The following ABCA12 variants were observed in gnomAD, a reference collection of about 807,000 sequenced individuals.
ABCA12 encodes glucosylceramide transporter ABCA12.
In ABCA12, 156 loss-of-function variants were observed where a neutral mutation model predicts 293.5. That is an observed-to-expected ratio of 0.53 (90% confidence interval 0.47 to 0.61). The LOEUF is 0.61. Ranked by LOEUF, ABCA12 falls within the 20% of genes least tolerant of loss-of-function variation. ABCA12 has a pLI of 0.00. For missense variants in ABCA12, 2,797 were observed against 3,090.2 expected (o/e 0.91, Z 2.25); for synonymous variants, 1,063 against 1,108.0 (o/e 0.96, Z 0.81).
chr2:215,132,933 T>A (rs936358188), intron 1 of ABCA12, among the ~76,000 whole-genome samples: 1 of 151,976 alleles, frequency 6.6e-6, no homozygotes, highest in Admixed American at 6.6e-5. Flanking sequence ...AATGACAAAT[T>A]CTCTTAGTGT....
intron 44 of ABCA12, 128 bp from the exon 45 acceptor site, chr2:214,951,211 A>G (rs951982471): frequency 2.4e-6 from 2 of 840,114 alleles, no homozygotes; most frequent in African/African-American, 3.4e-5. Flanking sequence ...TTACATTTGT[A>G]ATGAATTATG....
intron 27 of ABCA12, 103 bp downstream of exon 27, chr2:214,987,544 A>T: frequency 3.6e-6 from 5 of 1,381,324 alleles, no homozygotes; most frequent in African/African-American, 1.4e-5. Context: ...GACTAAAAGG[A>T]TGATAATTTT....
At chr2:214,994,355 A>T (rs1699991340) in intron 23 of ABCA12, among the ~76,000 whole-genome samples, 1 of 152,208 alleles carries the variant, frequency 6.6e-6, no homozygotes, top group Admixed American at 6.5e-5. Flanking sequence ...AATATCTGAT[A>T]ACCTGTTGCT....
chr2:215,049,917 A>C, intron 5 of ABCA12, 106 bp from the exon 6 acceptor site: 2 of 1,027,278 alleles, frequency 1.9e-6, no homozygotes, highest in African/African-American at 1.6e-5. Context: ...AGCCATTTTG[A>C]GGTCCTCCAT....
At chr2:215,091,386 T>G (rs1424097326) in intron 2 of ABCA12, among the ~76,000 whole-genome samples, 1 of 152,170 alleles carries the variant, frequency 6.6e-6, no homozygotes, top group Non-Finnish European at 1.5e-5. Flanking sequence ...AATTTCCTCT[T>G]AGAGAGGTGG....
chr2:215,044,820 T>C (rs1382527588), intron 7 of ABCA12, among the ~76,000 whole-genome samples: 3 of 152,198 alleles, frequency 2.0e-5, no homozygotes, highest in Admixed American at 6.5e-5. Flanking sequence ...AAGGGCTTAT[T>C]ATAAGGTCTT....
intron 23 of ABCA12, among the ~76,000 whole-genome samples, chr2:214,994,977 A>G (rs963021609): frequency 1.3e-5 from 2 of 152,222 alleles, no homozygotes; most frequent in Non-Finnish European, 2.9e-5. Flanking sequence ...ATGAGAAAAA[A>G]TATACTCTTC....
chr2:215,104,665 A>T (rs531555976), intron 2 of ABCA12, among the ~76,000 whole-genome samples: 3 of 152,218 alleles, frequency 2.0e-5, no homozygotes, highest in Non-Finnish European at 4.4e-5. Context: ...CAATTTGCTG[A>T]TGGAGGAAGT....
At chr2:215,123,772 A>G (rs564683406) in intron 1 of ABCA12, among the ~76,000 whole-genome samples, 1 of 151,242 alleles carries the variant, frequency 6.6e-6, no homozygotes, top group South Asian at 2.1e-4. Flanking sequence ...TTTAATCTTT[A>G]TTTTAATTTT....
At chr2:215,094,332 G>A (rs1297532387) in intron 2 of ABCA12, among the ~76,000 whole-genome samples, 3 of 152,186 alleles carry the variant, frequency 2.0e-5, no homozygotes. Context: ...TCAGGGCAAT[G>A]CTTATGCTGA....
At chr2:215,009,677 T>C (rs1442316137) in intron 18 of ABCA12, among the ~76,000 whole-genome samples, 1 of 152,164 alleles carries the variant, frequency 6.6e-6, no homozygotes, top group African/African-American at 2.4e-5. Context: ...AATAATGTTA[T>C]GTTCATATAA....
chr2:214,999,153 T>C lies in ABCA12; in HGVS notation c.3180-1344A>G, dbSNP rs538410049. ...TTGTTTCCTGGGAAACTGTATGGCA[T>C]GGGGTAGGCATTTACAGACTACTTC... On this transcript the variant is annotated intron_variant, in intron 22 of 52. Transcript: ENST00000272895. 3.3e-5 allele frequency among the ~76,000 whole-genome samples: 5 copies of C among 152,276 alleles called. No homozygotes were observed. The South Asian group carries it at 1.0e-3, about 32-fold the overall frequency.
intron 23 of ABCA12, 88 bp from the exon 24 acceptor site, chr2:214,991,119 T>G: frequency 8.4e-7 from 1 of 1,196,480 alleles, no homozygotes. Flanking sequence ...AATGTCATGA[T>G]AGTCTCTCTG....
intron 2 of ABCA12, among the ~76,000 whole-genome samples, chr2:215,096,050 C>A (rs1416544843): frequency 6.6e-6 from 1 of 152,138 alleles, no homozygotes; most frequent in Non-Finnish European, 1.5e-5. Flanking sequence ...AACAAATACA[C>A]CAGAAGACCT....
rs568026669 is a variant in ABCA12 at position 214,954,076 on chromosome 2, C to T, written c.6425G>A (p.Arg2142His). ...GAATTGTGGGAAAATCAGGAAAATG[C>T]GCTTGAGGGTTTCAGAAATAAGTTC... The part of the protein sequence containing the change: ...TLELISETLK[R>H]IFLIFPQFCF... Residue 2142 changes from arginine to histidine, a missense_variant, in exon 44 of 53, where the codon CGC becomes CAC. Arg to His is a conservative substitution (Grantham distance 29). This residue lies in a region of ABCA12 where 2,130 missense variants were observed against 2,427.0 expected (regional missense o/e 0.88). Transcript: ENST00000272895. The T allele has an allele frequency of 1.4e-5, 22 of 1,613,590 alleles. No homozygotes were observed. The highest frequency in any genetic ancestry group is 2.2e-5 in the East Asian group (1 of 44,856).
At chr2:215,107,666 C>G (rs557516798) in intron 2 of ABCA12, among the ~76,000 whole-genome samples, 2 of 152,212 alleles carry the variant, frequency 1.3e-5, no homozygotes, top group East Asian at 1.9e-4. Flanking sequence ...CTCCAGATGC[C>G]CAACCATCAA....
chr2:215,125,193 T>A (rs1395478745), intron 1 of ABCA12, among the ~76,000 whole-genome samples: 3 of 152,330 alleles, frequency 2.0e-5, no homozygotes, highest in African/African-American at 7.2e-5. Flanking sequence ...CCATGCTGTT[T>A]TGGTGACTAT....
At chr2:214,957,003 T>C (rs961852963) in intron 41 of ABCA12, among the ~76,000 whole-genome samples, 3 of 152,230 alleles carry the variant, frequency 2.0e-5, no homozygotes, top group African/African-American at 7.2e-5. Context: ...TCTCCATCTT[T>C]AACAGATATA....
chr2:215,007,237 A>G (rs1288727031), intron 19 of ABCA12, among the ~76,000 whole-genome samples: 1 of 152,144 alleles, frequency 6.6e-6, no homozygotes, highest in Non-Finnish European at 1.5e-5. Context: ...AAATTCAGAT[A>G]AATACGTTAA....
Sources: gnomAD v4.1 joint callset for allele counts (sites outside exome capture counted in the v4.1 genomes callset) on GRCh38, gnomAD v4.1.1 for gene constraint, gnomAD v4.1.1 regional missense constraint, MANE v1.5 for transcripts, NCBI Gene and HGNC (gene_info 2026-07-23, HGNC 2026-07-21) for gene names.